Variants in MBD5 observed in about 807,000 individuals in gnomAD.
MBD5 encodes the protein methyl-CpG-binding domain protein 5.
A neutral mutation model predicts 117.3 loss-of-function variants in MBD5; 13 were observed. That is an observed-to-expected ratio of 0.11 (90% CI 0.07 to 0.18). MBD5 has a LOEUF of 0.18. Among genes scored for constraint, MBD5 ranks in the 10% least tolerant of loss-of-function variants. The probability of loss-of-function intolerance (pLI) is 1.00; values close to 1 mark genes in which losing one functional copy is unlikely to be tolerated. For missense variants in MBD5, 1,879 were observed against 2,093.8 expected, an observed-to-expected ratio of 0.90 and a Z score of 2.00; for synonymous variants, 727 against 766.4, an observed-to-expected ratio of 0.95 and a Z score of 0.85.
intron 1 of MBD5, among the ~76,000 whole-genome samples, chr2:148,092,574 G>GT (rs1388611390): frequency 5.9e-5 from 9 of 152,228 alleles, no homozygotes; most frequent in African/African-American, 2.2e-4. Context: ...TTCTAAGTGA[G>GT]TAACATTGTG....
intron 11 of MBD5, among the ~76,000 whole-genome samples, chr2:148,492,437 T>G (rs1417324480): frequency 2.0e-5 from 3 of 152,032 alleles, no homozygotes; most frequent in Admixed American, 2.0e-4. Context: ...GTATTTTTAG[T>G]AATTCAGAGA....
chr2:148,457,065 C>T (rs75370679), intron 4 of MBD5, among the ~76,000 whole-genome samples: 15 of 152,200 alleles, frequency 9.9e-5, no homozygotes, highest in East Asian at 1.9e-4. Flanking sequence ...CTTTGAAATA[C>T]GTGTTGTCTA....
At chr2:148,239,207 C>A (rs924122106) in intron 3 of MBD5, among the ~76,000 whole-genome samples, 1 of 152,092 alleles carries the variant, frequency 6.6e-6, no homozygotes, top group Non-Finnish European at 1.5e-5. Flanking sequence ...ATGACTAGAT[C>A]TACATGTTTT....
chr2:148,272,032 A>G (rs887235219), intron 3 of MBD5, among the ~76,000 whole-genome samples: 3 of 152,220 alleles, frequency 2.0e-5, no homozygotes, highest in Non-Finnish European at 4.4e-5. Flanking sequence ...AAATAAGATC[A>G]TGCAGTATTT....
At chr2:148,029,735 C>T (rs887080914) in intron 1 of MBD5, among the ~76,000 whole-genome samples, 1 of 152,122 alleles carries the variant, frequency 6.6e-6, no homozygotes, top group African/African-American at 2.4e-5. Context: ...TGCTATGTTA[C>T]ATTGGTTTCT....
At chr2:148,256,469 G>A (rs559011895) in intron 3 of MBD5, among the ~76,000 whole-genome samples, 2 of 152,322 alleles carry the variant, frequency 1.3e-5, no homozygotes, top group South Asian at 4.1e-4. Flanking sequence ...GACCCCAAAT[G>A]GGTTGGTGGC....
intron 1 of MBD5, among the ~76,000 whole-genome samples, chr2:148,162,045 C>A (rs1698017967): frequency 6.6e-6 from 1 of 152,188 alleles, no homozygotes; most frequent in South Asian, 2.1e-4. Flanking sequence ...CTTCCAAAGG[C>A]CAGCTCCTCC....
intron 4 of MBD5, among the ~76,000 whole-genome samples, chr2:148,368,491 T>A (rs1042782425): frequency 1.2e-4 from 18 of 152,060 alleles, no homozygotes; most frequent in Admixed American, 2.0e-4. Context: ...AAAACTTTTT[T>A]AAAATAAATA....
chr2:148,044,181 C>G (rs773370005), intron 1 of MBD5, among the ~76,000 whole-genome samples: 13 of 152,100 alleles, frequency 8.5e-5, no homozygotes, highest in African/African-American at 2.9e-4. Context: ...AAATAATATG[C>G]AAAATTTGAC....
In MBD5 at chr2:148,131,305, G is replaced by A. The variant is rs1697042084; in HGVS notation, c.-924-47395G>A. On this transcript the variant is annotated intron_variant, in intron 1 of 13. Transcript: ENST00000642680. ...GTTACCTAGATACGCTGTATGACAT[G>A]TAATGAGTGGTCTATAAATCTTGAA... 1.3e-5 allele frequency among the ~76,000 whole-genome samples: 2 copies of A among 152,158 alleles called. 1 individual carries two copies. Among genetic ancestry groups the A allele is most frequent in the South Asian group, 4.1e-4 (2 of 4,826 alleles).
chr2:148,361,604 A>G (rs1406611953), intron 4 of MBD5, among the ~76,000 whole-genome samples: 1 of 152,230 alleles, frequency 6.6e-6, no homozygotes, highest in East Asian at 1.9e-4. Flanking sequence ...AAGGGCTCAC[A>G]TTATCTATAT....
At chr2:148,317,474 G>A (rs1472430199) in intron 3 of MBD5, among the ~76,000 whole-genome samples, 4 of 152,146 alleles carry the variant, frequency 2.6e-5, no homozygotes, top group Non-Finnish European at 4.4e-5. Flanking sequence ...TTTAATTTTA[G>A]TATATTTAGT....
In MBD5 at chr2:148,515,009, G is replaced by C. The variant is rs1052554538; in HGVS notation, c.*2068G>C. ...ATGCAGTCACATGAAGTAATCTTTT[G>C]TGTAGTTTAGTTGACACATGTTTAT... On this transcript the variant is annotated 3_prime_UTR_variant, in exon 14 of 14. Transcript: ENST00000642680. 6.6e-6 allele frequency: 1 copy of C among 152,180 alleles called. No individual in the cohort carries two copies. The highest frequency in any genetic ancestry group is 1.5e-5 in the Non-Finnish European group (1 of 68,030). 9.4% of individuals were successfully genotyped at this position (152,180 alleles called of 1,614,324 possible).
At chr2:148,087,071 C>T (rs961382611) in intron 1 of MBD5, among the ~76,000 whole-genome samples, 10 of 152,152 alleles carry the variant, frequency 6.6e-5, no homozygotes, top group Non-Finnish European at 7.3e-5. Flanking sequence ...GCAGCTCCCA[C>T]TCGGATGAAT....
chr2:148,133,520 A>G (rs1051242987), intron 1 of MBD5, among the ~76,000 whole-genome samples: 3 of 152,238 alleles, frequency 2.0e-5, no homozygotes, highest in African/African-American at 7.2e-5. Flanking sequence ...AGAAAATAGT[A>G]TGTTTAAATA....
chr2:148,317,761 C>T (rs1174473986), intron 3 of MBD5, among the ~76,000 whole-genome samples: 5 of 152,162 alleles, frequency 3.3e-5, no homozygotes, highest in Admixed American at 6.5e-5. Context: ...CCTCCAGTTC[C>T]ACCCATGTTG....
chr2:148,391,716 A>T (rs774405330), intron 4 of MBD5, among the ~76,000 whole-genome samples: 28 of 152,298 alleles, frequency 1.8e-4, no homozygotes, highest in Middle Eastern at 6.8e-3. Context: ...ATTTATTTCA[A>T]TTATTCTGTA....
chr2:148,445,521 T>C (rs1336245378), intron 4 of MBD5, among the ~76,000 whole-genome samples: 1 of 151,408 alleles, frequency 6.6e-6, no homozygotes, highest in Non-Finnish European at 1.5e-5. Flanking sequence ...CACATTTTCT[T>C]AATCCAGTCT....
At chr2:148,503,856 C>A (rs1681945699) in intron 12 of MBD5, among the ~76,000 whole-genome samples, 1 of 152,194 alleles carries the variant, frequency 6.6e-6, no homozygotes, top group Non-Finnish European at 1.5e-5. Context: ...ATTACCTACA[C>A]CACAAATTTG....
Sources: gnomAD v4.1 joint callset for allele counts (sites outside exome capture counted in the v4.1 genomes callset) on GRCh38, gnomAD v4.1.1 for gene constraint, MANE v1.5 for transcripts, NCBI Gene and HGNC (gene_info 2026-07-23, HGNC 2026-07-21) for gene names.